SNX5: variants seen among roughly 807,000 people sequenced by gnomAD.
SNX5 encodes the protein sorting nexin 5, also known as sorting nexin-5.
A neutral mutation model predicts 53.9 loss-of-function variants in SNX5; 31 were observed. The ratio of observed to expected loss-of-function variants is 0.58; its 90% CI spans 0.43 to 0.78. The LOEUF (loss-of-function observed/expected upper bound fraction) is 0.78, where lower values mean the gene tolerates loss of function less well. Ranked by LOEUF, SNX5 falls within the 30% of genes least tolerant of loss-of-function variation. The pLI is 0.00. For missense variants in SNX5, 471 were observed against 478.8 expected (o/e 0.98, Z 0.15); for synonymous variants, 168 against 171.1 (o/e 0.98, Z 0.14).
At position 17,955,473 on chromosome 20, in the gene SNX5, G is replaced by A. The variant is rs767667071; in HGVS notation, c.159C>T (p.Thr53=). ...CTGGGCTCTGAAACGTGGGCAGTGTGGTCTGTAAAGAAAGAAAGAAGTTAA... is the reference window on the plus strand; with the variant it reads ...CTGGGCTCTGAAACGTGGGCAGTGTAGTCTGTAAAGAAAGAAAGAAGTTAA... The part of the protein sequence containing the change: ...DKVKFTVHTK[T]TLPTFQSPEF... Residue 53 remains threonine (T), a splice_region_variant and synonymous_variant, in exon 3 of 13, where the codon ACC becomes ACT. Coordinates refer to ENST00000377759, the MANE Select transcript of SNX5 (RefSeq NM_014426.4). The A allele has an allele frequency of 1.2e-6, 2 of 1,612,180 alleles. No individual in the cohort carries two copies. Among genetic ancestry groups the A allele is most frequent in the South Asian group, 1.1e-5 (1 of 90,922 alleles).
chr20:17,953,275 G>C (rs964526391), intron 4 of SNX5, among the ~76,000 whole-genome samples: 8 of 152,186 alleles, frequency 5.3e-5, no homozygotes, highest in Admixed American at 3.3e-4. Flanking sequence ...GGTTTGGAGA[G>C]GGGGAGCTGA....
intron 3 of SNX5, among the ~76,000 whole-genome samples, chr20:17,954,568 T>C (rs112024839): frequency 4.6e-5 from 7 of 152,306 alleles, no homozygotes; most frequent in African/African-American, 1.7e-4. Context: ...TTAATTTTGT[T>C]TAATGATTAA....
In SNX5 at chr20:17,954,458, TA is replaced by T. The variant is rs3215638; in HGVS notation, c.268-342del. On this transcript the variant is annotated intron_variant, in intron 3 of 12. Transcript: ENST00000377759. ...CACCAAAGATGAGCCATCAAGATTA[TA>T]AAGTGTTCAGTATTCCAAAGGAATT... is the stretch of plus-strand genomic sequence containing the variant. Among the ~76,000 whole-genome samples the T allele has an allele frequency of 4.8e-3, 727 of 152,326 alleles. 22 individuals carry two copies. In the East Asian group the frequency reaches 0.075, roughly 16 times the overall value.
At chr20:17,960,471 G>A (rs2035428733) in intron 1 of SNX5, among the ~76,000 whole-genome samples, 1 of 152,242 alleles carries the variant, frequency 6.6e-6, no homozygotes, top group South Asian at 2.1e-4. Flanking sequence ...GCGCACATCT[G>A]TAATCCCAGC....
intron 11 of SNX5, chr20:17,943,571 T>A (rs1394851009): frequency 5.8e-6 from 1 of 173,332 alleles, no homozygotes; most frequent in Non-Finnish European, 1.2e-5. Context: ...GTGAAAATGC[T>A]TCTCAAAAGA....
intron 2 of SNX5, among the ~76,000 whole-genome samples, chr20:17,955,722 A>G (rs1217655575): frequency 6.6e-6 from 1 of 152,214 alleles, no homozygotes; most frequent in Non-Finnish European, 1.5e-5. Flanking sequence ...ATCTACTGGT[A>G]GAAGTTCAGT....
intron 1 of SNX5, among the ~76,000 whole-genome samples, chr20:17,958,126 A>T (rs922391024): frequency 6.6e-6 from 1 of 152,108 alleles, no homozygotes; most frequent in Non-Finnish European, 1.5e-5. Context: ...CAATCTGAAA[A>T]CCTGACACAC....
intron 11 of SNX5, chr20:17,947,199 A>C (rs1488428910): frequency 1.2e-5 from 4 of 339,026 alleles, no homozygotes; most frequent in African/African-American, 8.6e-5. Flanking sequence ...GTAACCATAC[A>C]AGAGAATGTC....
chr20:17,960,803 C>G (rs377170486), intron 1 of SNX5, among the ~76,000 whole-genome samples: 1 of 147,502 alleles, frequency 6.8e-6, no homozygotes, highest in Admixed American at 6.7e-5. Flanking sequence ...ACATAAAAAA[C>G]AAACCCAACA....
At chr20:17,959,252 C>CT (rs1233807542) in intron 1 of SNX5, among the ~76,000 whole-genome samples, 32 of 152,220 alleles carry the variant, frequency 2.1e-4, no homozygotes, top group African/African-American at 7.7e-4. Flanking sequence ...GCAATGGATG[C>CT]TACCAGCTGC....
chr20:17,946,470 T>G (rs2039489167), intron 11 of SNX5, among the ~76,000 whole-genome samples: 1 of 152,226 alleles, frequency 6.6e-6, no homozygotes, highest in Admixed American at 6.5e-5. Context: ...GTGCTCCTAT[T>G]GGCAAAGTCT....
chr20:17,959,800 A>G (rs1295570788), intron 1 of SNX5, among the ~76,000 whole-genome samples: 3 of 152,178 alleles, frequency 2.0e-5, no homozygotes, highest in African/African-American at 7.2e-5. Context: ...AGTGTGACCA[A>G]AAGTTCAGCA....
At position 17,951,590 on chromosome 20, in the gene SNX5, A is replaced by G. The variant is rs764792798; in HGVS notation, c.519T>C (p.Ser173=). 3.1e-6 allele frequency: 5 copies of G among 1,606,766 alleles called. No homozygotes were observed. Among genetic ancestry groups the G allele is most frequent in the Admixed American group, 1.7e-5 (1 of 59,920 alleles). The part of the protein sequence containing the change: ...HVFLEYDQDL[S]VRRKNTKEMF... The stretch of plus-strand genomic sequence containing the variant: ...TCTCTTTAGTATTTTTCCGCCTAAC[A>G]CTTAGCTAAAAGAAGAAAATTCCAA... Residue 173 remains serine, a synonymous_variant, in exon 6 of 13, where the codon AGT becomes AGC. Transcript: ENST00000377759.
intron 1 of SNX5, among the ~76,000 whole-genome samples, chr20:17,963,948 A>G (rs574670013): frequency 6.6e-6 from 1 of 152,270 alleles, no homozygotes; most frequent in East Asian, 1.9e-4. Context: ...CAAATCATTC[A>G]GATGTAAATA....
chr20:17,947,051 G>C (rs897299500), intron 11 of SNX5: 9 of 154,786 alleles, frequency 5.8e-5, no homozygotes, highest in Non-Finnish European at 8.6e-5. Context: ...AACTATTCCA[G>C]AGTAAAGGAG....
chr20:17,942,223 T>G lies in SNX5; in HGVS notation c.*134A>C. On this transcript the variant is annotated 3_prime_UTR_variant, in exon 13 of 13. Coordinates refer to ENST00000377759, the MANE Select transcript of SNX5 (RefSeq NM_014426.4). ...CAACATGGTTAAATGTTAAGATTTG[T>G]AGAAATCAAAATATTTATTCACATA... 3.1e-6 allele frequency: 2 copies of G among 640,846 alleles called. No homozygotes were observed. Among genetic ancestry groups the G allele is most frequent in the Non-Finnish European group, 5.6e-6 (2 of 359,848 alleles). 39.7% of individuals were successfully genotyped at this position (640,846 alleles called of 1,614,324 possible).
chr20:17,955,549 G>C (rs2035339130), intron 2 of SNX5, 74 bp from the exon 3 acceptor site: 5 of 1,001,986 alleles, frequency 5.0e-6, no homozygotes, highest in Non-Finnish European at 7.9e-6. Context: ...AGGCTACACA[G>C]TGGGAAAATT....
chr20:17,950,528 A>T, intron 6 of SNX5, 132 bp from the exon 7 acceptor site: 1 of 595,540 alleles, frequency 1.7e-6, no homozygotes, highest in Non-Finnish European at 3.0e-6. Context: ...ACCTCTACAG[A>T]TCAGGGAATT....
intron 5 of SNX5, among the ~76,000 whole-genome samples, chr20:17,952,140 G>T (rs992998990): frequency 6.6e-6 from 1 of 152,066 alleles, no homozygotes; most frequent in Non-Finnish European, 1.5e-5. Flanking sequence ...GGAGAATGGC[G>T]TGAACCCAGA....
Sources: allele counts gnomAD v4.1 joint callset (sites outside exome capture counted in the v4.1 genomes callset), GRCh38; gene constraint gnomAD v4.1.1; transcripts MANE v1.5; gene names NCBI Gene and HGNC (gene_info 2026-07-23, HGNC 2026-07-21).